The following RAPGEF2 variants were observed in gnomAD, a reference collection of about 807,000 sequenced individuals.
RAPGEF2 encodes Rap guanine nucleotide exchange factor 2.
RAPGEF2 carries 54 observed loss-of-function variants against 186.7 expected under a neutral mutation model. That is an observed-to-expected ratio of 0.29 (90% CI 0.23 to 0.36). The LOEUF (loss-of-function observed/expected upper bound fraction) is 0.36, where lower values mean the gene tolerates loss of function less well. Among genes scored for constraint, RAPGEF2 ranks in the 10% least tolerant of loss-of-function variants. RAPGEF2 has a pLI of 1.00. For synonymous variants in RAPGEF2, 712 were observed against 705.9 expected, an observed-to-expected ratio of 1.01 and a Z score of -0.14; for missense variants, 1,532 against 2,045.0, an observed-to-expected ratio of 0.75 and a Z score of 4.84.
At chr4:159,280,766 C>T in intron 7 of RAPGEF2, among the ~76,000 whole-genome samples, 1 of 152,168 alleles carries the variant, frequency 6.6e-6, no homozygotes, top group Non-Finnish European at 1.5e-5. Context: ...TAACAATACT[C>T]ATTGTATATT....
At chr4:159,252,406 G>A (rs1755568718) in intron 7 of RAPGEF2, among the ~76,000 whole-genome samples, 1 of 152,088 alleles carries the variant, frequency 6.6e-6, no homozygotes, top group Non-Finnish European at 1.5e-5. Flanking sequence ...AGGACTTTTG[G>A]AACACTTAAG....
chr4:159,338,441 C>G lies in RAPGEF2; in HGVS notation c.2266C>G (p.Arg756Gly), dbSNP rs1388676420. ...SNPDLLQSHH[R>G]ILDFSATPDL... ...TCCTGATTTATTGCAGTCACATCAT[C>G]GCATTTTAGACTTCAGTGCTACTCC... Residue 756 changes from arginine to glycine, a missense_variant, in exon 18 of 30, where the codon CGC (arginine) becomes GGC (glycine). Physicochemically the swap from Arg to Gly is moderately radical, Grantham distance 125. Around this residue, in one of 4 missense-constraint regions of RAPGEF2, gnomAD observed 810 missense variants for 1,210.5 expected, o/e 0.67. Transcript: ENST00000691494. 21 of 1,613,816 alleles carry G rather than the reference C, an allele frequency of 1.3e-5. No individual in the cohort carries two copies. The highest frequency in any genetic ancestry group is 1.8e-5 in the Non-Finnish European group (21 of 1,179,880).
chr4:159,131,097 TGAGAGAGAGAGAGAGA>T (rs10596468), intron 1 of RAPGEF2, among the ~76,000 whole-genome samples: 53 of 148,216 alleles, frequency 3.6e-4, no homozygotes, highest in African/African-American at 1.2e-3. Context: ...TGTGTGTGTG[TGAGAGAGAGAGAGAGA>T]GAGAGAGAGA....
At chr4:159,121,576 C>T (rs1424777685) in intron 1 of RAPGEF2, among the ~76,000 whole-genome samples, 2 of 151,718 alleles carry the variant, frequency 1.3e-5, no homozygotes, top group African/African-American at 4.8e-5. Flanking sequence ...ACTGTGTTGT[C>T]CAGTCTGGTC....
intron 1 of RAPGEF2, among the ~76,000 whole-genome samples, chr4:159,140,576 A>G (rs1742205219): frequency 6.6e-6 from 1 of 152,202 alleles, no homozygotes; most frequent in South Asian, 2.1e-4. Flanking sequence ...GCGAAAATAG[A>G]GAAGTGGATA....
chr4:159,234,912 A>G (rs1431911877), intron 4 of RAPGEF2, among the ~76,000 whole-genome samples: 1 of 152,134 alleles, frequency 6.6e-6, no homozygotes, highest in African/African-American at 2.4e-5. Flanking sequence ...GGTGCCTGCC[A>G]TCATGCCTGG....
chr4:159,296,100 C>CCA (rs1012851364), intron 7 of RAPGEF2, among the ~76,000 whole-genome samples: 1 of 152,066 alleles, frequency 6.6e-6, no homozygotes, highest in African/African-American at 2.4e-5. Flanking sequence ...CTGGATATTA[C>CCA]CATAAACCTT....
chr4:159,331,879 T>G (rs769258396), intron 15 of RAPGEF2, 46 bp downstream of exon 15: 104 of 1,524,398 alleles, frequency 6.8e-5, no homozygotes, highest in Middle Eastern at 1.7e-4. Context: ...TGGTGTCTGG[T>G]TTTTTTTTTC....
intron 1 of RAPGEF2, among the ~76,000 whole-genome samples, chr4:159,142,257 A>G (rs1742432324): frequency 6.6e-6 from 1 of 152,172 alleles, no homozygotes; most frequent in Non-Finnish European, 1.5e-5. Context: ...TCAGAAGTTA[A>G]TGGATTTATA....
intron 1 of RAPGEF2, among the ~76,000 whole-genome samples, chr4:159,145,469 C>T (rs1303207473): frequency 2.0e-5 from 3 of 150,466 alleles, no homozygotes; most frequent in African/African-American, 7.3e-5. Flanking sequence ...AGATAATTTA[C>T]CAAAAACATT....
intron 7 of RAPGEF2, among the ~76,000 whole-genome samples, chr4:159,275,998 A>G (rs1048065958): frequency 1.3e-5 from 2 of 152,184 alleles, no homozygotes; most frequent in African/African-American, 4.8e-5. Context: ...TTTTATGGGT[A>G]CTATGGAACT....
chr4:159,297,132 A>T (rs888897769), intron 7 of RAPGEF2, among the ~76,000 whole-genome samples: 1 of 152,194 alleles, frequency 6.6e-6, no homozygotes. Flanking sequence ...AAGCCATGTG[A>T]AATACTCATT....
rs532790160 is a variant in RAPGEF2 at position 159,184,152 on chromosome 4, C to T, written c.70-2490C>T. Among the ~76,000 whole-genome samples the T allele has an allele frequency of 2.2e-3, 331 of 152,234 alleles. 2 individuals carry two copies. Among genetic ancestry groups the T allele is most frequent in the African/African-American group, 7.4e-3 (307 of 41,520 alleles). ...AATCCAGTCTATCATTGATGGACAT[C>T]TGGGTTGGTTCCAAGTCTTTGCTAT... On this transcript the variant is annotated intron_variant, in intron 1 of 29. Coordinates refer to ENST00000691494, the MANE Select transcript of RAPGEF2 (RefSeq NM_001394067.2).
chr4:159,196,311 T>C (rs971820180), intron 3 of RAPGEF2, among the ~76,000 whole-genome samples: 22 of 152,242 alleles, frequency 1.4e-4, no homozygotes, highest in African/African-American at 5.3e-4. Context: ...ATAATAATAG[T>C]ACTCCTCTTT....
At chr4:159,194,478 A>G (rs1748422974) in intron 3 of RAPGEF2, among the ~76,000 whole-genome samples, 1 of 152,124 alleles carries the variant, frequency 6.6e-6, no homozygotes, top group South Asian at 2.1e-4. Context: ...TGGCAAACCC[A>G]TGGCCAATTG....
At chr4:159,319,898 A>G in intron 9 of RAPGEF2, among the ~76,000 whole-genome samples, 1 of 152,070 alleles carries the variant, frequency 6.6e-6, no homozygotes, top group East Asian at 1.9e-4. Context: ...TACAACAAAT[A>G]CTTGTGAAGG....
intron 7 of RAPGEF2, chr4:159,268,036 T>A (rs528088894): frequency 6.8e-7 from 1 of 1,460,232 alleles, no homozygotes; most frequent in Non-Finnish European, 9.0e-7. Flanking sequence ...GCAGCTTGGT[T>A]TTCCCTCCTC....
chr4:159,217,263 C>G (rs1478315849), intron 4 of RAPGEF2, among the ~76,000 whole-genome samples: 1 of 151,998 alleles, frequency 6.6e-6, no homozygotes, highest in Non-Finnish European at 1.5e-5. Flanking sequence ...TTGATTGAAC[C>G]CATCACCCAG....
chr4:159,342,571 ATT>A (rs1319734707), intron 20 of RAPGEF2, among the ~76,000 whole-genome samples: 8 of 138,516 alleles, frequency 5.8e-5, no homozygotes, highest in Non-Finnish European at 1.2e-4. Flanking sequence ...ATTTTATTTT[ATT>A]TTATTTTATT....
Sources: allele counts gnomAD v4.1 joint callset (sites outside exome capture counted in the v4.1 genomes callset), GRCh38; gene constraint gnomAD v4.1.1; regional missense constraint gnomAD v4.1.1; transcripts MANE v1.5; gene names NCBI Gene and HGNC (gene_info 2026-07-23, HGNC 2026-07-21).